The following TOX variants were observed in gnomAD, a reference collection of about 807,000 sequenced individuals.
TOX encodes the protein thymocyte selection-associated high mobility group box protein TOX.
A neutral mutation model predicts 53.7 loss-of-function variants in TOX; 11 were observed. The ratio of observed to expected loss-of-function variants is 0.20; its 90% CI spans 0.13 to 0.34. The LOEUF is 0.34. Among genes scored for constraint, TOX ranks in the 10% least tolerant of loss-of-function variants. The pLI, the probability that TOX is intolerant of heterozygous loss-of-function variation, is 1.00. For missense variants in TOX, 570 were observed against 664.6 expected (o/e 0.86, Z 1.56); for synonymous variants, 225 against 245.3 (o/e 0.92, Z 0.77).
At chr8:59,091,971 C>T (rs1231731839) in intron 1 of TOX, among the ~76,000 whole-genome samples, 3 of 151,760 alleles carry the variant, frequency 2.0e-5, no homozygotes, top group African/African-American at 4.8e-5. Flanking sequence ...CTCTTGTGGC[C>T]GGGCGTGGTG....
chr8:58,971,495 A>G (rs560748917), intron 1 of TOX, among the ~76,000 whole-genome samples: 1 of 152,338 alleles, frequency 6.6e-6, no homozygotes, highest in East Asian at 1.9e-4. Flanking sequence ...GACATGCAAG[A>G]GCATTTGTAA....
chr8:59,039,456 G>C (rs1160265811), intron 1 of TOX, among the ~76,000 whole-genome samples: 1 of 152,158 alleles, frequency 6.6e-6, no homozygotes, highest in Non-Finnish European at 1.5e-5. Flanking sequence ...CACTTCCCTT[G>C]GTAGTGAACA....
At chr8:58,963,487 C>G (rs1422462951) in intron 1 of TOX, among the ~76,000 whole-genome samples, 2 of 152,112 alleles carry the variant, frequency 1.3e-5, no homozygotes, top group Non-Finnish European at 2.9e-5. Context: ...TTCTGGGGAG[C>G]CTACAATATA....
In TOX at chr8:58,939,615, T is replaced by C. The variant is rs1812401641; in HGVS notation, c.169-71A>G. Reference sequence around the variant, plus strand: ...GCTCTTCATCATCATATCAAACACTTGACCCTTTAGATATTATTACAAGCA... The same window carrying C: ...GCTCTTCATCATCATATCAAACACTCGACCCTTTAGATATTATTACAAGCA... On this transcript the variant is annotated intron_variant, in intron 2 of 8. Coordinates refer to ENST00000361421, the MANE Select transcript of TOX (RefSeq NM_014729.3). The C allele has an allele frequency of 2.4e-6, 3 of 1,273,140 alleles. No individual in the cohort carries two copies. The South Asian group carries it at 4.7e-5, about 20-fold the overall frequency. The allele number at this position is 1,273,140 out of a possible 1,614,324, so 78.9% of individuals were successfully genotyped here. A position where few individuals can be genotyped will look rare whatever the true frequency, so the allele number is the denominator to read the frequency against.
chr8:59,002,807 T>G (rs1813718655), intron 1 of TOX, among the ~76,000 whole-genome samples: 1 of 152,188 alleles, frequency 6.6e-6, no homozygotes, highest in Non-Finnish European at 1.5e-5. Context: ...AATTAGTCAT[T>G]AACGTTAAAG....
chr8:58,998,525 A>AAATAAATT (rs1563413434), intron 1 of TOX, among the ~76,000 whole-genome samples: 2 of 58,810 alleles, frequency 3.4e-5, no homozygotes, highest in Admixed American at 3.8e-4. Flanking sequence ...ATATATATAT[A>AAATAAATT]TATATATATA....
At chr8:59,037,658 C>T (rs866882533) in intron 1 of TOX, among the ~76,000 whole-genome samples, 9 of 151,936 alleles carry the variant, frequency 5.9e-5, no homozygotes, top group South Asian at 2.1e-4. Context: ...AAAAATTAGC[C>T]GGCCGTGGTG....
intron 1 of TOX, among the ~76,000 whole-genome samples, chr8:58,985,415 G>A (rs1244635201): frequency 6.6e-6 from 1 of 152,128 alleles, no homozygotes; most frequent in East Asian, 1.9e-4. Flanking sequence ...GACAAATACT[G>A]TATGATTCCA....
At chr8:59,105,129 T>C (rs541574066) in intron 1 of TOX, among the ~76,000 whole-genome samples, 1 of 152,294 alleles carries the variant, frequency 6.6e-6, no homozygotes, top group East Asian at 1.9e-4. Context: ...TTTTAAGAAG[T>C]TGACTTCTTA....
intron 3 of TOX, among the ~76,000 whole-genome samples, chr8:58,934,303 A>G (rs1466725635): frequency 6.6e-6 from 1 of 152,196 alleles, no homozygotes; most frequent in African/African-American, 2.4e-5. Flanking sequence ...AATGCAAAAA[A>G]GTGGTGGGAA....
intron 1 of TOX, among the ~76,000 whole-genome samples, chr8:59,081,738 A>C (rs574404899): frequency 6.6e-6 from 1 of 152,322 alleles, no homozygotes; most frequent in South Asian, 2.1e-4. Flanking sequence ...TTTGGCATCA[A>C]GTTCAAAGAG....
intron 1 of TOX, among the ~76,000 whole-genome samples, chr8:59,049,182 A>T (rs1226742295): frequency 6.6e-6 from 1 of 152,178 alleles, no homozygotes; most frequent in Non-Finnish European, 1.5e-5. Context: ...AATCCATAAT[A>T]TAAGTCAGTT....
At chr8:59,053,050 T>G (rs1260070551) in intron 1 of TOX, among the ~76,000 whole-genome samples, 2 of 152,180 alleles carry the variant, frequency 1.3e-5, no homozygotes, top group African/African-American at 4.8e-5. Flanking sequence ...ATAATTATTA[T>G]TTTCTGAGGA....
chr8:58,831,078 T>G (rs182270361), intron 5 of TOX, among the ~76,000 whole-genome samples: 3 of 152,290 alleles, frequency 2.0e-5, no homozygotes, highest in Admixed American at 6.5e-5. Context: ...AAAGTGGTAT[T>G]CAGAGGATTG....
At chr8:59,015,670 G>A (rs1298539499) in intron 1 of TOX, among the ~76,000 whole-genome samples, 1 of 152,102 alleles carries the variant, frequency 6.6e-6, no homozygotes, top group Non-Finnish European at 1.5e-5. Context: ...GGTTTGCTTT[G>A]CTTGATACTA....
At chr8:59,076,385 T>A (rs1332736358) in intron 1 of TOX, among the ~76,000 whole-genome samples, 1 of 152,218 alleles carries the variant, frequency 6.6e-6, no homozygotes, top group Non-Finnish European at 1.5e-5. Flanking sequence ...TTTGTCTGAA[T>A]GGTGGATGCT....
At chr8:58,957,128 G>A (rs1412496902) in intron 2 of TOX, among the ~76,000 whole-genome samples, 1 of 152,114 alleles carries the variant, frequency 6.6e-6, no homozygotes, top group East Asian at 1.9e-4. Flanking sequence ...AACTCTTAAC[G>A]GGACAAAGTT....
At chr8:58,807,841 C>T in intron 8 of TOX, 58 bp from the exon 9 acceptor site, 2 of 1,594,622 alleles carry the variant, frequency 1.3e-6, no homozygotes, top group South Asian at 2.2e-5. Context: ...CTACAGGTGA[C>T]AATGGGGGGA....
chr8:58,840,942 T>G (rs1810632711), intron 4 of TOX, among the ~76,000 whole-genome samples: 1 of 152,202 alleles, frequency 6.6e-6, no homozygotes, highest in Non-Finnish European at 1.5e-5. Context: ...CCTACCTCAC[T>G]GGCCCTTGAT....
Sources: allele counts gnomAD v4.1 joint callset (sites outside exome capture counted in the v4.1 genomes callset), GRCh38; gene constraint gnomAD v4.1.1; transcripts MANE v1.5; gene names NCBI Gene and HGNC (gene_info 2026-07-23, HGNC 2026-07-21).